The following ZFHX4 variants were observed in gnomAD, a reference collection of about 807,000 sequenced individuals.
The protein encoded by ZFHX4 is zinc finger homeobox protein 4.
A neutral mutation model predicts 267.6 loss-of-function variants in ZFHX4; 56 were observed. That is an observed-to-expected ratio of 0.21 (90% confidence interval 0.17 to 0.26). The LOEUF (loss-of-function observed/expected upper bound fraction) is 0.26. Ranked by LOEUF, ZFHX4 falls within the 10% of genes least tolerant of loss-of-function variation. The probability of loss-of-function intolerance (pLI) is 1.00; values close to 1 mark genes in which losing one functional copy is unlikely to be tolerated. For missense variants in ZFHX4, 4,332 were observed against 4,420.0 expected (o/e 0.98, Z 0.56); for synonymous variants, 1,778 against 1,665.6 (o/e 1.07, Z -1.64).
intron 1 of ZFHX4, chr8:76,703,666 C>T (rs538580841): frequency 4.7e-4 from 75 of 158,476 alleles, no homozygotes; most frequent in Non-Finnish European, 9.4e-4. Flanking sequence ...TTCATTCCAG[C>T]TGCTGTATAC....
Position 76,849,113 on chromosome 8 carries a change from A to G in ZFHX4, c.3630A>G (p.Lys1210=). 2 of 1,558,356 alleles carry G rather than the reference A, an allele frequency of 1.3e-6. No individual in the cohort carries two copies. Among genetic ancestry groups the G allele is most frequent in the Non-Finnish European group, 1.7e-6 (2 of 1,151,276 alleles). ...TKRSKPTEDN[K]FCHEQFYQCP... Reference sequence around the variant, plus strand: ...GGTCAAAACCTACAGAGGACAATAAATTCTGTCATGAACAGGTAAATACTT... The same window carrying G: ...GGTCAAAACCTACAGAGGACAATAAGTTCTGTCATGAACAGGTAAATACTT... Residue 1210 remains lysine, a synonymous_variant, in exon 7 of 11, where the codon AAA becomes AAG. Transcript: ENST00000651372.
At chr8:76,711,949 C>G (rs184778524) in intron 3 of ZFHX4, among the ~76,000 whole-genome samples, 167 of 152,328 alleles carry the variant, frequency 1.1e-3, no homozygotes, top group African/African-American at 3.6e-3. Flanking sequence ...TGTACTTCGG[C>G]TGCTCTTTTA....
rs1421504414 is a variant in ZFHX4, at chr8:76,850,271, A to G, written c.3873A>G (p.Pro1291=). Reference sequence around the variant, plus strand: ...TGCCTGTCCCTGATGTGATGATGCCAAACAGTATGCTACTGCCAGCAGCTG... The same window carrying G: ...TGCCTGTCCCTGATGTGATGATGCCGAACAGTATGCTACTGCCAGCAGCTG... The part of the protein sequence containing the change: ...MTVPVPDVMM[P]NSMLLPAAAS... The change falls in exon 9 of 11, where the codon CCA becomes CCG. Residue 1291 remains proline (P), a synonymous_variant. Transcript: ENST00000651372. 1.2e-6 allele frequency: 2 copies of G among 1,613,156 alleles called. No homozygotes were observed. The highest frequency in any genetic ancestry group is 1.7e-6 in the Non-Finnish European group (2 of 1,179,640).
intron 4 of ZFHX4, among the ~76,000 whole-genome samples, chr8:76,778,899 A>G (rs956749596): frequency 6.6e-6 from 1 of 152,216 alleles, no homozygotes; most frequent in Non-Finnish European, 1.5e-5. Flanking sequence ...CATAAGACCT[A>G]GTCAGGGTCC....
At chr8:76,719,756 C>T (rs1173832338) in intron 3 of ZFHX4, among the ~76,000 whole-genome samples, 1 of 152,100 alleles carries the variant, frequency 6.6e-6, no homozygotes, top group Non-Finnish European at 1.5e-5. Flanking sequence ...AAACAAGTAT[C>T]TTCTTAAACT....
chr8:76,728,084 G>A (rs1049850907), intron 3 of ZFHX4, among the ~76,000 whole-genome samples: 1 of 151,850 alleles, frequency 6.6e-6, no homozygotes, highest in East Asian at 1.9e-4. Context: ...TATTTTTTTG[G>A]CCAATACCTA....
intron 4 of ZFHX4, among the ~76,000 whole-genome samples, chr8:76,803,276 G>C (rs1190304187): frequency 1.3e-5 from 2 of 152,026 alleles, no homozygotes; most frequent in African/African-American, 4.8e-5. Context: ...GTGTGTGTGT[G>C]TGTGTGTGGT....
chr8:76,851,516 A>G lies in ZFHX4; in HGVS notation c.4595A>G (p.Glu1532Gly). 6.2e-7 allele frequency: 1 copy of G among 1,613,952 alleles called. No individual in the cohort carries two copies. Among genetic ancestry groups the G allele is most frequent in the Non-Finnish European group, 8.5e-7 (1 of 1,179,870 alleles). ...AGAAAAGGGCCCAATTTTACGATGG[A>G]AAAATTCCTTGATCCATCTCGTCCA... ...PFRKGPNFTM[E>G]KFLDPSRPYK... Residue 1532 changes from glutamate (E) to glycine (G), a missense_variant, in exon 10 of 11, where the codon GAA (glutamate) becomes GGA (glycine). Glu to Gly is a moderately conservative substitution (Grantham distance 98). Coordinates refer to ENST00000651372, the MANE Select transcript of ZFHX4 (RefSeq NM_024721.5).
chr8:76,838,433 G>A (rs986892137), intron 5 of ZFHX4, among the ~76,000 whole-genome samples: 2 of 152,262 alleles, frequency 1.3e-5, no homozygotes, highest in East Asian at 1.9e-4. Flanking sequence ...ACATAATCTC[G>A]CTATGTACAG....
chr8:76,863,510 T>G lies in ZFHX4; in HGVS notation c.9796T>G (p.Phe3266Val). Residue 3266 changes from phenylalanine (F) to valine (V), a missense_variant, in exon 11 of 11, where the codon TTT (phenylalanine) becomes GTT (valine). By Grantham distance (50) the Phe-to-Val change is conservative. This residue lies in a region of ZFHX4 where 1,648 missense variants were observed against 1,625.0 expected (regional missense o/e 1.01). Transcript: ENST00000651372. ...SFIGGQFLPY[F>V]IPGFASYFTP... ...TATAGGCGGACAGTTCTTGCCATACTTTATCCCTGGGTTTGCTTCTTATTT... is the reference window on the plus strand; with the variant it reads ...TATAGGCGGACAGTTCTTGCCATACGTTATCCCTGGGTTTGCTTCTTATTT... 1 of 1,613,600 alleles carries G rather than the reference T, an allele frequency of 6.2e-7. No homozygotes were observed. Among genetic ancestry groups the G allele is most frequent in the Non-Finnish European group, 8.5e-7 (1 of 1,179,728 alleles).
chr8:76,737,507 C>A (rs1193280390), intron 3 of ZFHX4, among the ~76,000 whole-genome samples: 1 of 152,102 alleles, frequency 6.6e-6, no homozygotes, highest in Non-Finnish European at 1.5e-5. Context: ...TAATTAAGGG[C>A]TTTGGAGTCA....
At chr8:76,691,259 G>C (rs1585850935) in intron 1 of ZFHX4, among the ~76,000 whole-genome samples, 1 of 152,058 alleles carries the variant, frequency 6.6e-6, no homozygotes, top group Non-Finnish European at 1.5e-5. Flanking sequence ...TATTGTGACT[G>C]TTAAACATAT....
intron 4 of ZFHX4, among the ~76,000 whole-genome samples, chr8:76,810,981 C>A (rs1350131672): frequency 6.6e-6 from 1 of 152,054 alleles, no homozygotes; most frequent in East Asian, 1.9e-4. Flanking sequence ...GCTACTAGGC[C>A]ATCTCTGAAT....
chr8:76,759,573 A>G (rs1809855096), intron 3 of ZFHX4, among the ~76,000 whole-genome samples: 2 of 152,194 alleles, frequency 1.3e-5, no homozygotes, highest in Non-Finnish European at 2.9e-5. Flanking sequence ...GCACTCCATT[A>G]TTCTAGGAGA....
At chr8:76,715,738 A>G (rs953597859) in intron 3 of ZFHX4, among the ~76,000 whole-genome samples, 2 of 152,138 alleles carry the variant, frequency 1.3e-5, no homozygotes, top group East Asian at 1.9e-4. Context: ...CATTTTATTA[A>G]CATTTTATTT....
chr8:76,851,782 G>A lies in ZFHX4; in HGVS notation c.4861G>A (p.Ala1621Thr). Reference sequence around the variant, plus strand: ...GAGGTCTGTGCTCCACCAGACAAAGGCTAGGGCTGCAAAGCTGGAGCCCAG... The same window carrying A: ...GAGGTCTGTGCTCCACCAGACAAAGACTAGGGCTGCAAAGCTGGAGCCCAG... Reference protein sequence around the residue: ...HMRSVLHQTKARAAKLEPSGH... With the variant: ...HMRSVLHQTKTRAAKLEPSGH... Residue 1621 changes from alanine (A) to threonine (T), a missense_variant, in exon 10 of 11, where the codon GCT (alanine) becomes ACT (threonine). Around this residue, in one of 7 missense-constraint regions of ZFHX4, gnomAD observed 1,371 missense variants for 1,423.1 expected, o/e 0.96. Coordinates refer to ENST00000651372, the MANE Select transcript of ZFHX4 (RefSeq NM_024721.5). 15 of 1,613,906 alleles carry A rather than the reference G, an allele frequency of 9.3e-6. No individual in the cohort carries two copies. The highest frequency in any genetic ancestry group is 1.3e-5 in the Non-Finnish European group (15 of 1,179,868).
intron 3 of ZFHX4, among the ~76,000 whole-genome samples, chr8:76,711,879 G>C (rs549937785): frequency 1.3e-5 from 2 of 152,258 alleles, no homozygotes; most frequent in Admixed American, 6.5e-5. Context: ...AGACTTTTCT[G>C]GCCAGCTGAT....
chr8:76,858,785 G>A (rs1812796133), intron 10 of ZFHX4, among the ~76,000 whole-genome samples: 1 of 152,156 alleles, frequency 6.6e-6, no homozygotes, highest in Non-Finnish European at 1.5e-5. Context: ...AACATTATAA[G>A]TAAAATATTT....
rs1206524361 is a variant in ZFHX4, at chr8:76,865,959, G to A, written c.*1394G>A. On this transcript the variant is annotated 3_prime_UTR_variant, in exon 11 of 11. Coordinates refer to ENST00000651372, the MANE Select transcript of ZFHX4 (RefSeq NM_024721.5). ...CTGTGTTAACATTTTTGTTTTGCTT[G>A]CCATGAATTTCAACTTCCACCACCC... The A allele has an allele frequency of 1.3e-5, 2 of 152,346 alleles. No individual in the cohort carries two copies. Among genetic ancestry groups the A allele is most frequent in the East Asian group, 3.9e-4 (2 of 5,172 alleles). 9.4% of individuals were successfully genotyped at this position (152,346 alleles called of 1,614,324 possible). A position where few individuals can be genotyped will look rare whatever the true frequency, so the allele number is the denominator to read the frequency against.
Sources: gnomAD v4.1 joint callset for allele counts (sites outside exome capture counted in the v4.1 genomes callset) on GRCh38, gnomAD v4.1.1 for gene constraint, gnomAD v4.1.1 regional missense constraint, MANE v1.5 for transcripts, NCBI Gene and HGNC (gene_info 2026-07-23, HGNC 2026-07-21) for gene names.